NRDC: variants seen among roughly 807,000 people sequenced by gnomAD.
The protein encoded by NRDC is nardilysin convertase.
Under a neutral mutation model 147.1 loss-of-function variants are expected in NRDC, and 54 were observed. The ratio of observed to expected loss-of-function variants is 0.37; its 90% CI spans 0.29 to 0.46. NRDC has a LOEUF of 0.46. Ranked by LOEUF, NRDC falls within the 20% of genes least tolerant of loss-of-function variation. The pLI is 1.00. For missense variants in NRDC, 1,082 were observed against 1,370.6 expected (o/e 0.79, Z 3.33); for synonymous variants, 440 against 482.1 (o/e 0.91, Z 1.14).
At chr1:51,847,421 G>A (rs533347689) in intron 1 of NRDC, among the ~76,000 whole-genome samples, 4 of 152,250 alleles carry the variant, frequency 2.6e-5, no homozygotes, top group African/African-American at 9.6e-5. Flanking sequence ...GGGCGCCGTG[G>A]AGCAGGGGGC....
intron 24 of NRDC, 72 bp downstream of exon 24, chr1:51,794,400 G>A: frequency 6.8e-7 from 1 of 1,468,074 alleles, no homozygotes; most frequent in South Asian, 1.2e-5. Flanking sequence ...CTATAAAAGG[G>A]CCTTGAAGGT....
rs751044858 is a variant in NRDC at position 51,790,874 on chromosome 1, C to T, written c.3051+26G>A. The T allele has an allele frequency of 4.4e-6, 7 of 1,591,082 alleles. No homozygotes were observed. In the East Asian group the frequency reaches 1.6e-4, roughly 36 times the overall value. ...TCTGGGGGCTTGTGTGGGCCAAAGG[C>T]CAAAAGACCAGGCTGGCACAGTCAC... On this transcript the variant is annotated intron_variant, in intron 28 of 30. Transcript: ENST00000352171.
At position 51,791,001 on chromosome 1, in the gene NRDC, A is replaced by G; in HGVS notation, c.2961-11T>C. 1 of 1,584,334 alleles carries G rather than the reference A, an allele frequency of 6.3e-7. No homozygotes were observed. Among genetic ancestry groups the G allele is most frequent in the South Asian group, 1.1e-5 (1 of 90,154 alleles). On this transcript the variant is annotated splice_polypyrimidine_tract_variant and intron_variant, in intron 27 of 30. Coordinates refer to ENST00000352171, the MANE Select transcript of NRDC (RefSeq NM_001101662.2). ...TCAACAACTTCAGAACTGAAACAAA[A>G]CATCTTCAATCAGAACTAAAACAAA...
intron 1 of NRDC, among the ~76,000 whole-genome samples, chr1:51,842,218 G>C (rs1036468036): frequency 6.8e-6 from 1 of 147,928 alleles, no homozygotes; most frequent in Non-Finnish European, 1.5e-5. Flanking sequence ...TTAAGTGATA[G>C]AAAAAATGTT....
At chr1:51,863,651 C>A (rs891882316) in intron 1 of NRDC, among the ~76,000 whole-genome samples, 1 of 152,176 alleles carries the variant, frequency 6.6e-6, no homozygotes, top group Non-Finnish European at 1.5e-5. Flanking sequence ...CACAAAGAAA[C>A]TTCCATATTT....
intron 1 of NRDC, among the ~76,000 whole-genome samples, chr1:51,863,165 G>C (rs1682637989): frequency 6.6e-6 from 1 of 152,080 alleles, no homozygotes; most frequent in African/African-American, 2.4e-5. Context: ...ACTTTGGGAG[G>C]CCAAGGCAGG....
intron 30 of NRDC, 67 bp downstream of exon 30, chr1:51,789,501 A>G: frequency 6.3e-7 from 1 of 1,590,380 alleles, no homozygotes; most frequent in Non-Finnish European, 8.6e-7. Context: ...AGTTCTGATG[A>G]TAACCACCCA....
chr1:51,801,470 G>C (rs1679193205), intron 20 of NRDC, among the ~76,000 whole-genome samples: 1 of 151,890 alleles, frequency 6.6e-6, no homozygotes, highest in South Asian at 2.1e-4. Flanking sequence ...CCATTTCTAA[G>C]TGATTACTGG....
At chr1:51,856,320 G>C (rs1173600195) in intron 1 of NRDC, among the ~76,000 whole-genome samples, 4 of 152,114 alleles carry the variant, frequency 2.6e-5, no homozygotes, top group Non-Finnish European at 5.9e-5. Flanking sequence ...CTCCAAATCA[G>C]CTCCAACACT....
chr1:51,840,331 TTCA>T lies in NRDC; in HGVS notation c.522_524del (p.Asp174del), dbSNP rs1484655464. 5 of 1,540,036 alleles carry T rather than the reference TTCA, an allele frequency of 3.2e-6. No individual in the cohort carries two copies. Among genetic ancestry groups the T allele is most frequent in the East Asian group, 4.5e-5 (2 of 44,450 alleles). ...CATCATGTTCATCATCAAACTCATC[TTCA>T]TCATCAAAACCCTCTTCATCGTCAT... On this transcript the variant is annotated inframe_deletion, in exon 2 of 31. Transcript: ENST00000352171.
At chr1:51,789,699 A>C (rs751781190) in intron 29 of NRDC, 42 bp from the exon 30 acceptor site, 4 of 1,407,854 alleles carry the variant, frequency 2.8e-6, no homozygotes, top group African/African-American at 1.4e-5. Flanking sequence ...TCAAGAAGAA[A>C]GATAGCTCTT....
At chr1:51,810,448 C>T (rs753342410) in intron 15 of NRDC, 44 bp from the exon 16 acceptor site, 2 of 1,554,040 alleles carry the variant, frequency 1.3e-6, no homozygotes, top group Non-Finnish European at 1.7e-6. Context: ...ACAATTTTAA[C>T]CTAATACATC....
rs1680832172 is a variant in NRDC at position 51,834,000 on chromosome 1, T to C, written c.866+17A>G. 3.1e-6 allele frequency: 5 copies of C among 1,605,932 alleles called. No homozygotes were observed. The highest frequency in any genetic ancestry group is 1.3e-5 in the African/African-American group (1 of 74,724). On this transcript the variant is annotated intron_variant, in intron 4 of 30. Transcript: ENST00000352171. ...CCATTAGATCATTAAAATTAAAGTATATTTAGAGTTAGTTACCTATCAAGA... is the reference window on the plus strand; with the variant it reads ...CCATTAGATCATTAAAATTAAAGTACATTTAGAGTTAGTTACCTATCAAGA...
intron 7 of NRDC, among the ~76,000 whole-genome samples, chr1:51,822,997 G>C (rs1402943206): frequency 6.6e-6 from 1 of 152,122 alleles, no homozygotes; most frequent in Non-Finnish European, 1.5e-5. Context: ...ATGTTAAAAG[G>C]AATAATTTAG....
chr1:51,864,243 C>T (rs2792592), intron 1 of NRDC, among the ~76,000 whole-genome samples: 3,377 of 152,130 alleles, frequency 0.022, 110 homozygotes, highest in African/African-American at 0.077. Flanking sequence ...AATATATTGG[C>T]GGTACCTAGC....
intron 5 of NRDC, among the ~76,000 whole-genome samples, chr1:51,826,292 G>A (rs1680441478): frequency 6.6e-6 from 1 of 152,102 alleles, no homozygotes; most frequent in South Asian, 2.1e-4. Context: ...GAAAATAAAT[G>A]TTTTATTTTA....
intron 16 of NRDC, 93 bp from the exon 17 acceptor site, chr1:51,809,494 A>G (rs111547690): frequency 1.5e-5 from 13 of 867,108 alleles, no homozygotes; most frequent in African/African-American, 9.9e-5. Context: ...TTACAAATCA[A>G]TTATCCTTTC....
In NRDC at chr1:51,855,067, C is replaced by T. The variant is rs868103119; in HGVS notation, c.342-14553G>A. 1.4e-4 allele frequency among the ~76,000 whole-genome samples: 22 copies of T among 152,338 alleles called. No homozygotes were observed. In the Middle Eastern group the frequency reaches 0.01, roughly 71 times the overall value. On this transcript the variant is annotated intron_variant, in intron 1 of 30. Coordinates refer to ENST00000352171, the MANE Select transcript of NRDC (RefSeq NM_001101662.2). ...TTTGCCTCCTTAACCAACTGCAAAT[C>T]AGAAAATCTTCTACTGTACCTATGA...
chr1:51,789,305 G>A lies in NRDC; in HGVS notation c.3387C>T (p.Ile1129=). The A allele has an allele frequency of 1.2e-6, 2 of 1,614,168 alleles. No homozygotes were observed. Among genetic ancestry groups the A allele is most frequent in the Non-Finnish European group, 1.7e-6 (2 of 1,180,006 alleles). The change falls in exon 31 of 31, where the codon ATC becomes ATT. Residue 1129 remains isoleucine (I), a synonymous_variant. Transcript: ENST00000352171. The part of the protein sequence containing the change: ...PTSPLLADCI[I]PITDIRAFTT... ...TGAAAGCCCTGATATCAGTAATGGG[G>A]ATGATACAATCTGCCAGCAGAGGAG...
Sources: gnomAD v4.1 joint callset for allele counts (sites outside exome capture counted in the v4.1 genomes callset) on GRCh38, gnomAD v4.1.1 for gene constraint, MANE v1.5 for transcripts, NCBI Gene and HGNC (gene_info 2026-07-23, HGNC 2026-07-21) for gene names.